Variants in PSG7 observed in about 807,000 individuals in gnomAD.
The protein encoded by PSG7 is pregnancy-specific beta-1-glycoprotein 7.
Under a neutral mutation model 45.6 loss-of-function variants are expected in PSG7, and 57 were observed. That is an observed-to-expected ratio of 1.25 (90% CI 1.01 to 1.56). The LOEUF is 1.56. PSG7 is among the 40% of genes most tolerant of loss of function. The pLI, the probability that PSG7 is intolerant of heterozygous loss-of-function variation, is 0.00. For synonymous variants in PSG7, 298 were observed against 194.4 expected, an observed-to-expected ratio of 1.53 and a Z score of -4.43; for missense variants, 796 against 508.4, an observed-to-expected ratio of 1.57 and a Z score of -5.44.
intron 5 of PSG7, 98 bp from the exon 6 acceptor site, chr19:42,924,922 G>C (rs1382154534): frequency 4.0e-6 from 3 of 747,866 alleles, no homozygotes; most frequent in Non-Finnish European, 7.3e-6. Context: ...TTCTCTCTAT[G>C]GGCATCTCTA....
chr19:42,930,084 C>T (rs574541465), intron 2 of PSG7, among the ~76,000 whole-genome samples: 2 of 151,786 alleles, frequency 1.3e-5, no homozygotes, highest in East Asian at 3.9e-4. Context: ...CTGGAATCTT[C>T]TTAGTTTCAA....
intron 2 of PSG7, among the ~76,000 whole-genome samples, chr19:42,930,717 G>T (rs1163484473): frequency 2.6e-5 from 4 of 151,576 alleles, no homozygotes; most frequent in East Asian, 1.9e-4. Context: ...CATATCAGTG[G>T]ATTCCAGAGT....
In PSG7 at chr19:42,932,140, C is replaced by G. The variant is rs892071252; in HGVS notation, c.431-2420G>C. Among the ~76,000 whole-genome samples the G allele has an allele frequency of 2.6e-5, 4 of 151,412 alleles. 1 individual carries two copies. Among genetic ancestry groups the G allele is most frequent in the South Asian group, 4.2e-4 (2 of 4,732 alleles). ...CCGGTTTCACTCCATTCTCCTGCCT[C>G]AGCCTCCCGAGTAGCTGGGACTACA... On this transcript the variant is annotated intron_variant, in intron 2 of 5. Transcript: ENST00000406070.
rs1275575086 is a variant in PSG7 at position 42,924,397 on chromosome 19, G to A, written c.*411C>T. 4.5e-6 allele frequency: 2 copies of A among 447,864 alleles called. No individual in the cohort carries two copies. Among genetic ancestry groups the A allele is most frequent in the Non-Finnish European group, 7.8e-6 (2 of 256,968 alleles). 27.7% of individuals were successfully genotyped at this position (447,864 alleles called of 1,614,324 possible). A position where few individuals can be genotyped will look rare whatever the true frequency, so the allele number is the denominator to read the frequency against. ...CCTGAGATGTTATGTAAAAGTCTGA[G>A]GTTGAGATGACATATCTGACACTCT... On this transcript the variant is annotated 3_prime_UTR_variant, in exon 6 of 6. Transcript: ENST00000406070.
intron 3 of PSG7, among the ~76,000 whole-genome samples, chr19:42,927,883 T>A (rs960944715): frequency 2.0e-5 from 3 of 151,656 alleles, no homozygotes; most frequent in African/African-American, 7.3e-5. Flanking sequence ...GTATTTCTTA[T>A]GCCTACAACT....
At position 42,935,451 on chromosome 19, in the gene PSG7, C is replaced by T. The variant is rs782136743; in HGVS notation, c.383G>A (p.Gly128Asp). 2.5e-6 allele frequency: 4 copies of T among 1,612,204 alleles called. 1 individual carries two copies. In the South Asian group the frequency reaches 3.3e-5, roughly 13 times the overall value. Residue 128 changes from glycine to aspartate, a missense_variant, in exon 2 of 6, where the codon GGT (glycine) becomes GAT (aspartate). Physicochemically the swap from Gly to Asp is moderately conservative, Grantham distance 94. Coordinates refer to ENST00000406070, the MANE Select transcript of PSG7 (RefSeq NM_002783.3). ...GSYTLHIIKR[G>D]DGTGGVTGRF... ...TCCAGTTACTCCTCCAGTCCCATCA[C>T]CTCGCTTTATGATGTGTAAAGTGTA... is the stretch of plus-strand genomic sequence containing the variant.
Position 42,935,356 on chromosome 19 carries a change from A to G in PSG7, c.430+48T>C, listed in dbSNP as rs782453696. 3.7e-6 allele frequency: 6 copies of G among 1,606,306 alleles called. No individual in the cohort carries two copies. The South Asian group carries it at 6.6e-5, about 18-fold the overall frequency. On this transcript the variant is annotated intron_variant, in intron 2 of 5. Transcript: ENST00000406070. ...TGACAATTCTGTGTGTGTGAAGTAG[A>G]AATGACCCCTGCCCCCCAACACCCA...
chr19:42,933,295 A>ATTTTTTTTTTTT lies in PSG7; in HGVS notation c.430+2108_430+2109insAAAAAAAAAAAA, dbSNP rs1168854490. 1.7e-4 allele frequency among the ~76,000 whole-genome samples: 2 copies of ATTTTTTTTTTTT among 11,906 alleles called. 1 individual carries two copies. Among genetic ancestry groups the ATTTTTTTTTTTT allele is most frequent in the East Asian group, 8.8e-3 (2 of 226 alleles). The allele number at this position is 11,906 out of a possible 152,430, so 7.8% of individuals were successfully genotyped here. ...TATATATATATATATATATATATATATATATATATATATTTTTTTTTTTTT... is the reference window on the plus strand; with the variant it reads ...TATATATATATATATATATATATATATTTTTTTTTTTTTATATATATATATTTTTTTTTTTTT... On this transcript the variant is annotated intron_variant, in intron 2 of 5. Coordinates refer to ENST00000406070, the MANE Select transcript of PSG7 (RefSeq NM_002783.3).
Position 42,926,034 on chromosome 19 carries a change from G to A in PSG7, c.989-7C>T, listed in dbSNP as rs377421369. On this transcript the variant is annotated splice_region_variant and splice_polypyrimidine_tract_variant and intron_variant, in intron 4 of 5. Coordinates refer to ENST00000406070, the MANE Select transcript of PSG7 (RefSeq NM_002783.3). ...CTGGGGAGGTCTGGACCATCTGGAG[G>A]AAAGAGAATAAAGCCACAGGTGATG... 1 of 1,610,880 alleles carries A rather than the reference G, an allele frequency of 6.2e-7. No homozygotes were observed. The highest frequency in any genetic ancestry group is 8.5e-7 in the Non-Finnish European group (1 of 1,178,330).
intron 3 of PSG7, among the ~76,000 whole-genome samples, chr19:42,928,548 T>G (rs1247080431): frequency 1.3e-5 from 2 of 151,716 alleles, no homozygotes; most frequent in Admixed American, 1.3e-4. Flanking sequence ...GATGTTAATG[T>G]GAATTGAAAT....
chr19:42,928,036 G>A (rs571050687), intron 3 of PSG7, among the ~76,000 whole-genome samples: 1 of 151,670 alleles, frequency 6.6e-6, no homozygotes, highest in Middle Eastern at 3.4e-3. Context: ...CAGATTAGTA[G>A]GCATAAGTGG....
chr19:42,929,774 A>G, intron 2 of PSG7, 54 bp from the exon 3 acceptor site: 1 of 1,571,954 alleles, frequency 6.4e-7, no homozygotes, highest in Non-Finnish European at 8.6e-7. Context: ...GACTCCTCCA[A>G]AGGCATTTTT....
rs1161461136 is a variant in PSG7 at position 42,933,266 on chromosome 19, AATATAT to A, written c.430+2132_430+2137del. ...ATTCTTTACTACAAATCACCATTTC[AATATAT>A]ATATATATATATATATATATATATA... On this transcript the variant is annotated intron_variant, in intron 2 of 5. Coordinates refer to ENST00000406070, the MANE Select transcript of PSG7 (RefSeq NM_002783.3). Among the ~76,000 whole-genome samples, 18 of 15,736 alleles carry A rather than the reference AATATAT, an allele frequency of 1.1e-3. 1 individual carries two copies. Among genetic ancestry groups the A allele is most frequent in the South Asian group, 3.8e-3 (1 of 266 alleles). The allele number at this position is 15,736 out of a possible 152,430, so 10.3% of individuals were successfully genotyped here.
intron 1 of PSG7, chr19:42,936,380 T>TC: frequency 6.3e-6 from 1 of 157,688 alleles, no homozygotes; most frequent in Middle Eastern, 1.3e-3. Flanking sequence ...GTGTTTTTTT[T>TC]CCTCCCAATT....
intron 3 of PSG7, among the ~76,000 whole-genome samples, chr19:42,928,756 A>G (rs1972949819): frequency 6.6e-6 from 1 of 151,360 alleles, no homozygotes; most frequent in Non-Finnish European, 1.5e-5. Context: ...TCCCTGGAAA[A>G]CATATTGCCA....
rs775658996 is a variant in PSG7, at chr19:42,926,561, G to T, written c.865C>A (p.Arg289Ser). The T allele has an allele frequency of 5.0e-6, 8 of 1,610,400 alleles. 1 individual carries two copies. The South Asian group carries it at 8.8e-5, about 18-fold the overall frequency. Residue 289 changes from arginine (R) to serine (S), a missense_variant, in exon 4 of 6, where the codon CGC becomes AGC. Physicochemically the swap from Arg to Ser is moderately radical, Grantham distance 110. Coordinates refer to ENST00000406070, the MANE Select transcript of PSG7 (RefSeq NM_002783.3). Reference protein sequence around the residue: ...SLPVSPRVKRRIENRILILPS... With the variant: ...SLPVSPRVKRSIENRILILPS... ...AGAATGAGGATCCTGTTTTCAATGC[G>T]TCGCTTTACCCTGGGACTGACCGGG...
At chr19:42,932,395 A>C (rs1156283603) in intron 2 of PSG7, among the ~76,000 whole-genome samples, 1 of 151,460 alleles carries the variant, frequency 6.6e-6, no homozygotes, top group African/African-American at 2.4e-5. Flanking sequence ...CGAGTGACAA[A>C]TTCCAAGCTT....
chr19:42,930,328 A>C (rs1236293381), intron 2 of PSG7, among the ~76,000 whole-genome samples: 1 of 151,542 alleles, frequency 6.6e-6, no homozygotes, highest in Admixed American at 6.6e-5. Context: ...CAGGTGTCTC[A>C]TAGTGACTGA....
At chr19:42,928,913 T>A (rs1972954184) in intron 3 of PSG7, among the ~76,000 whole-genome samples, 1 of 151,572 alleles carries the variant, frequency 6.6e-6, no homozygotes, top group African/African-American at 2.4e-5. Context: ...TACTGATTGC[T>A]GGAACTTCCC....
Sources: gnomAD v4.1 joint callset for allele counts (sites outside exome capture counted in the v4.1 genomes callset) on GRCh38, gnomAD v4.1.1 for gene constraint, MANE v1.5 for transcripts, NCBI Gene and HGNC (gene_info 2026-07-23, HGNC 2026-07-21) for gene names.